TTLL10: variants seen among roughly 807,000 people sequenced by gnomAD.
The protein encoded by TTLL10 is inactive polyglycylase TTLL10.
TTLL10 carries 61 observed loss-of-function variants against 69.0 expected under a neutral mutation model. The observed-to-expected ratio is 0.88, with a 90% confidence interval of 0.72 to 1.09. The LOEUF is 1.09. Ranked by LOEUF, TTLL10 falls within the 50% of genes least tolerant of loss-of-function variation. The pLI is 0.00. For synonymous variants in TTLL10, 408 were observed against 393.3 expected, an observed-to-expected ratio of 1.04 and a Z score of -0.44; for missense variants, 962 against 945.9, an observed-to-expected ratio of 1.02 and a Z score of -0.22.
At position 1,185,619 on chromosome 1, in the gene TTLL10, G is replaced by A. The variant is rs988716285; in HGVS notation, c.1401+510G>A. ...ACTTCAAACAGCCCTAGCAGCAAAG[G>A]CCCTTGAGCAGCGCGGTGTGAAACT... On this transcript the variant is annotated intron_variant, in intron 13 of 15. Coordinates refer to ENST00000379289, the MANE Select transcript of TTLL10 (RefSeq NM_001130045.2). This position sits in a 1 kb window ranked among gnomAD's most constrained non-coding sequence, Gnocchi z 6.1. 1 of 987,262 alleles carries A rather than the reference G, an allele frequency of 1.0e-6. No individual in the cohort carries two copies. Among genetic ancestry groups the A allele is most frequent in the South Asian group, 4.7e-5 (1 of 21,384 alleles). 61.2% of individuals were successfully genotyped at this position (987,262 alleles called of 1,614,324 possible).
At position 1,179,250 on chromosome 1, in the gene TTLL10, G is replaced by C. The variant is rs941573468; in HGVS notation, c.35G>C (p.Arg12Pro). ...AGCTGCACCCGGTTCATCCACCGCC[G>C]GGGACCACCCACTCGGACCCGAGCC... ...DHSCTRFIHR[R>P]GPPTRTRAGF... Residue 12 changes from arginine (R) to proline (P), a missense_variant, in exon 4 of 16, where the codon CGG becomes CCG. Physicochemically the swap from Arg to Pro is moderately radical, Grantham distance 103. Transcript: ENST00000379289. 1.9e-6 allele frequency: 3 copies of C among 1,550,010 alleles called. No individual in the cohort carries two copies. The highest frequency in any genetic ancestry group is 1.4e-5 in the African/African-American group (1 of 73,042).
chr1:1,183,092 A>C (rs1205955693), intron 11 of TTLL10, 45 bp downstream of exon 11: 2 of 1,536,756 alleles, frequency 1.3e-6, no homozygotes, highest in African/African-American at 2.8e-5. Context: ...GGGCTGGCTG[A>C]CCCGGGCCCC....
Position 1,197,090 on chromosome 1 carries a change from C to T in TTLL10, c.1519-3C>T. The T allele has an allele frequency of 1.3e-6, 2 of 1,551,168 alleles. No homozygotes were observed. Among genetic ancestry groups the T allele is most frequent in the Non-Finnish European group, 1.7e-6 (2 of 1,146,752 alleles). On this transcript the variant is annotated splice_polypyrimidine_tract_variant and splice_region_variant and intron_variant, in intron 14 of 15. Coordinates refer to ENST00000379289, the MANE Select transcript of TTLL10 (RefSeq NM_001130045.2). ...AGGAGGGACTGACTGGCGTCTGGGG[C>T]AGGTATGGCTGCTGGAGATGAATTC...
chr1:1,186,412 C>G (rs1407574231), intron 13 of TTLL10, among the ~76,000 whole-genome samples: 1 of 152,112 alleles, frequency 6.6e-6, no homozygotes, highest in East Asian at 1.9e-4. Flanking sequence ...ATACAACGTT[C>G]CGTCATATGG....
chr1:1,183,793 T>G (rs752269604), intron 11 of TTLL10, 127 bp from the exon 12 acceptor site: 431 of 1,252,624 alleles, frequency 3.4e-4, no homozygotes, highest in Non-Finnish European at 4.6e-4. Context: ...CCCCTTTCCC[T>G]GGAGGTCACA....
intron 13 of TTLL10, among the ~76,000 whole-genome samples, chr1:1,193,803 A>G (rs760556062): frequency 3.9e-5 from 6 of 152,062 alleles, no homozygotes; most frequent in African/African-American, 9.7e-5. Context: ...TTATTTTACT[A>G]TATGTTTTTG....
chr1:1,197,058 CG>C (rs1557493342), intron 14 of TTLL10, 34 bp from the exon 15 acceptor site: 1 of 1,546,038 alleles, frequency 6.5e-7, no homozygotes, highest in East Asian at 2.4e-5. Flanking sequence ...CCAGTGGGCT[CG>C]GGGTGAGGAG....
chr1:1,196,327 GTC>G (rs1179123946), intron 13 of TTLL10: 3 of 432,200 alleles, frequency 6.9e-6, no homozygotes, highest in Non-Finnish European at 1.3e-5. Flanking sequence ...TTTGCTATCC[GTC>G]TCTTCTGCTC....
rs551319901 is a variant in TTLL10 at position 1,185,341 on chromosome 1, G to A, written c.1401+232G>A. The A allele has an allele frequency of 1.2e-4, 168 of 1,373,734 alleles. No homozygotes were observed. The highest frequency in any genetic ancestry group is 5.4e-4 in the Middle Eastern group (2 of 3,698). 85.1% of individuals were successfully genotyped at this position (1,373,734 alleles called of 1,614,324 possible). On this transcript the variant is annotated intron_variant, in intron 13 of 15. Transcript: ENST00000379289. This position sits in a 1 kb window ranked among gnomAD's most constrained non-coding sequence, Gnocchi z 6.1. ...CGGAAAGCCCAGTCGGGGGTCTGTC[G>A]GCACGAGTCCCGCGGGCAGCCTCGC...
At position 1,177,060 on chromosome 1, in the gene TTLL10, C is replaced by CTG. The variant is rs371602667; in HGVS notation, c.-27-2116_-27-2115dup. Among the ~76,000 whole-genome samples, 164 of 143,770 alleles carry CTG rather than the reference C, an allele frequency of 1.1e-3. 2 individuals carry two copies. Among genetic ancestry groups the CTG allele is most frequent in the South Asian group, 7.7e-3 (36 of 4,648 alleles). The allele number at this position is 143,770 out of a possible 152,430, so 94.3% of individuals were successfully genotyped here. ...TGTCAGCGTCTGTGTGTGTGGGTGTCTGTGTGTGTGTGTGGGTGTCTGTGT... is the reference window on the plus strand; with the variant it reads ...TGTCAGCGTCTGTGTGTGTGGGTGTCTGTGTGTGTGTGTGTGGGTGTCTGTGT... On this transcript the variant is annotated intron_variant, in intron 3 of 15. Transcript: ENST00000379289.
At chr1:1,180,422 G>A (rs904701419) in intron 6 of TTLL10, 61 bp from the exon 7 acceptor site, 28 of 1,539,682 alleles carry the variant, frequency 1.8e-5, no homozygotes, top group East Asian at 9.8e-5. Context: ...TCCGCTGGCC[G>A]CCCGCCATCC....
Position 1,197,859 on chromosome 1 carries a change from CGCGCCCA to C in TTLL10, c.*19_*25del. 6 of 1,429,432 alleles carry C rather than the reference CGCGCCCA, an allele frequency of 4.2e-6. No individual in the cohort carries two copies. Among genetic ancestry groups the C allele is most frequent in the Non-Finnish European group, 5.5e-6 (6 of 1,091,174 alleles). The allele number at this position is 1,429,432 out of a possible 1,614,324, so 88.5% of individuals were successfully genotyped here. A position where few individuals can be genotyped will look rare whatever the true frequency, so the allele number is the denominator to read the frequency against. ...ACGCGAGGCCCTAGGGGCAGCCACC[CGCGCCCA>C]GCGCCCCGCGCCCCGCGCCCCAGCC... is the stretch of plus-strand genomic sequence containing the variant. On this transcript the variant is annotated 3_prime_UTR_variant, in exon 16 of 16. Transcript: ENST00000379289.
At chr1:1,193,263 T>G (rs1647962221) in intron 13 of TTLL10, among the ~76,000 whole-genome samples, 2 of 152,084 alleles carry the variant, frequency 1.3e-5, no homozygotes, top group African/African-American at 4.8e-5. Context: ...AGGCGGAGCT[T>G]GCAGTGAGCC....
Position 1,197,727 on chromosome 1 carries a change from TG to T in TTLL10, c.1906del (p.Glu636SerfsTer?). 1 of 1,532,360 alleles carries T rather than the reference TG, an allele frequency of 6.5e-7. No individual in the cohort carries two copies. 94.9% of individuals were successfully genotyped at this position (1,532,360 alleles called of 1,614,324 possible). A position where few individuals can be genotyped will look rare whatever the true frequency, so the allele number is the denominator to read the frequency against. On this transcript the variant is annotated frameshift_variant, in exon 16 of 16. Coordinates refer to ENST00000379289, the MANE Select transcript of TTLL10 (RefSeq NM_001130045.2). LOFTEE classifies it high-confidence loss of function. ...GCCCCGACCTGGACAGCGCCCACGATGGGGAGCCCCAGGCCCCGGGCACGGA... is the reference window on the plus strand; with the variant it reads ...GCCCCGACCTGGACAGCGCCCACGATGGGAGCCCCAGGCCCCGGGCACGGA... ...PGPDLDSAHD[G>X]EPQAPGTEQS... is the part of the protein sequence containing the mutation.
At chr1:1,178,068 T>C (rs1218263994) in intron 3 of TTLL10, among the ~76,000 whole-genome samples, 1 of 152,158 alleles carries the variant, frequency 6.6e-6, no homozygotes, top group African/African-American at 2.4e-5. Flanking sequence ...CGTTGTCTCC[T>C]TCCCTCCTGT....
At chr1:1,196,980 A>C (rs1351349973) in intron 14 of TTLL10, 113 bp from the exon 15 acceptor site, 2 of 1,041,876 alleles carry the variant, frequency 1.9e-6, no homozygotes, top group Non-Finnish European at 2.9e-6. Context: ...GAGCAAGGCT[A>C]TAGGAAGGAA....
rs116712279 is a variant in TTLL10 at position 1,180,225 on chromosome 1, G to A, written c.391G>A (p.Ala131Thr). ...RPADSDDTNAAGPSAALLEGL... is the reference protein window; with the variant it reads ...RPADSDDTNATGPSAALLEGL... ...TGCAGACTCGGATGACACTAACGCC[G>A]CCGGGCCCTCAGCTGCCCTCCTGGA... is the stretch of plus-strand genomic sequence containing the variant. The change falls in exon 6 of 16, where the codon GCC (alanine) becomes ACC (threonine). Residue 131 changes from alanine (A) to threonine (T), a missense_variant. Transcript: ENST00000379289. 8.6e-4 allele frequency: 1,391 copies of A among 1,609,060 alleles called. 22 individuals are homozygous for A. The East Asian group carries it at 0.028, about 32-fold the overall frequency.
chr1:1,186,405 C>T (rs1022711045), intron 13 of TTLL10, among the ~76,000 whole-genome samples: 2 of 152,162 alleles, frequency 1.3e-5, no homozygotes, highest in Admixed American at 6.5e-5. Flanking sequence ...CCCTTTCATA[C>T]AACGTTCCGT....
chr1:1,180,939 C>CT, intron 8 of TTLL10, 79 bp downstream of exon 8: 1 of 1,315,448 alleles, frequency 7.6e-7, no homozygotes, highest in South Asian at 1.5e-5. Flanking sequence ...GCACCCGCCC[C>CT]ACCCCTGCCC....
Sources: allele counts gnomAD v4.1 joint callset (sites outside exome capture counted in the v4.1 genomes callset), GRCh38; gene constraint gnomAD v4.1.1; non-coding constraint Gnocchi (gnomAD v3.1); transcripts MANE v1.5; gene names NCBI Gene and HGNC (gene_info 2026-07-23, HGNC 2026-07-21).